SORBS2: variants seen among roughly 807,000 people sequenced by gnomAD.
The protein encoded by SORBS2 is sorbin and SH3 domain-containing protein 2.
Under a neutral mutation model 97.7 loss-of-function variants are expected in SORBS2, and 46 were observed. That is an observed-to-expected ratio of 0.47 (90% CI 0.37 to 0.60). SORBS2 has a LOEUF of 0.60. Among genes scored for constraint, SORBS2 ranks in the 20% least tolerant of loss-of-function variants. The pLI is 0.00. For missense variants in SORBS2, 1,316 were observed against 1,282.3 expected (o/e 1.03, Z -0.40); for synonymous variants, 476 against 473.4 (o/e 1.01, Z -0.07).
At chr4:185,823,644 TA>T (rs200819164) in intron 1 of SORBS2, among the ~76,000 whole-genome samples, 1 of 151,970 alleles carries the variant, frequency 6.6e-6, no homozygotes, top group South Asian at 2.1e-4. Context: ...TGATGAATAT[TA>T]AAAAAAATTC....
chr4:185,660,185 C>T (rs968540205), upstream of SORBS2, among the ~76,000 whole-genome samples: 8 of 152,170 alleles, frequency 5.3e-5, no homozygotes, highest in Admixed American at 5.2e-4. Context: ...CAAAGCCTAT[C>T]TACATTCAAG....
intron 2 of SORBS2, among the ~76,000 whole-genome samples, chr4:185,737,635 G>T (rs1227727131): frequency 6.6e-6 from 1 of 152,156 alleles, no homozygotes; most frequent in East Asian, 1.9e-4. Flanking sequence ...CGTGAGCAGG[G>T]TCTCAGGCCA....
chr4:185,783,708 C>T (rs1243224266), intron 1 of SORBS2, among the ~76,000 whole-genome samples: 8 of 152,118 alleles, frequency 5.3e-5, no homozygotes, highest in Non-Finnish European at 1.2e-4. Context: ...ATATCCTGCC[C>T]GCAGTGATGG....
chr4:185,840,538 C>T (rs1007551838), intron 1 of SORBS2, among the ~76,000 whole-genome samples: 6 of 152,140 alleles, frequency 3.9e-5, no homozygotes, highest in Non-Finnish European at 8.8e-5. Context: ...TTCCAATCTT[C>T]TTCTTCTATC....
At chr4:185,718,998 T>C (rs1441758424) in intron 2 of SORBS2, among the ~76,000 whole-genome samples, 1 of 152,104 alleles carries the variant, frequency 6.6e-6, no homozygotes, top group Non-Finnish European at 1.5e-5. Context: ...TGCAAATGAG[T>C]CACACTCTCT....
intron 2 of SORBS2, among the ~76,000 whole-genome samples, chr4:185,742,354 T>C (rs1481880371): frequency 2.0e-5 from 3 of 152,342 alleles, no homozygotes; most frequent in South Asian, 2.1e-4. Flanking sequence ...CCACCATTGA[T>C]TGGCCACTTA....
chr4:185,725,549 C>A (rs1317265168), intron 2 of SORBS2, among the ~76,000 whole-genome samples: 5 of 152,086 alleles, frequency 3.3e-5, no homozygotes, highest in Admixed American at 3.3e-4. Flanking sequence ...TGGCAAGAAC[C>A]CCAAGTAATT....
chr4:185,601,573 A>G (rs1341057881), intron 12 of SORBS2, among the ~76,000 whole-genome samples: 2 of 152,214 alleles, frequency 1.3e-5, no homozygotes, highest in East Asian at 1.9e-4. Flanking sequence ...CCCTTCATTT[A>G]TGTGTAAGAG....
chr4:185,612,491 ATTTTTTT>A lies in SORBS2; in HGVS notation c.2596-518_2596-512del, dbSNP rs112327583. ...TACACCGTTTTCTTTTTTTATTTCTATTTTTTTTTTTTTTTTGAGAGGGAATCTCACT... is the reference window on the plus strand; with the variant it reads ...TACACCGTTTTCTTTTTTTATTTCTATTTTTTTTTGAGAGGGAATCTCACT... On this transcript the variant is annotated intron_variant, in intron 11 of 14. Coordinates refer to ENST00000418609, the Ensembl canonical transcript of SORBS2. Among the ~76,000 whole-genome samples the A allele has an allele frequency of 3.2e-4, 37 of 114,922 alleles. No homozygotes were observed. In the South Asian group the frequency reaches 8.5e-3, roughly 26 times the overall value. The allele number at this position is 114,922 out of a possible 152,430, so 75.4% of individuals were successfully genotyped here. A position where few individuals can be genotyped will look rare whatever the true frequency, so the allele number is the denominator to read the frequency against.
intron 1 of SORBS2, among the ~76,000 whole-genome samples, chr4:185,937,884 G>C (rs2149988766): frequency 6.6e-6 from 1 of 152,212 alleles, no homozygotes; most frequent in Admixed American, 6.5e-5. Flanking sequence ...CTTCAGAGTT[G>C]GAATATCTTC....
chr4:185,856,550 A>T (rs2099220633), intron 1 of SORBS2, among the ~76,000 whole-genome samples: 1 of 152,108 alleles, frequency 6.6e-6, no homozygotes, highest in South Asian at 2.1e-4. Flanking sequence ...CATCTCCAGT[A>T]ACTTTTTTTA....
At chr4:185,892,789 T>C (rs2099243121) in intron 1 of SORBS2, among the ~76,000 whole-genome samples, 1 of 152,200 alleles carries the variant, frequency 6.6e-6, no homozygotes, top group Non-Finnish European at 1.5e-5. Context: ...AGTTATTGTT[T>C]AATGGGTACA....
At chr4:185,892,632 T>C (rs10022366) in intron 1 of SORBS2, among the ~76,000 whole-genome samples, 5,061 of 152,260 alleles carry the variant, frequency 0.033, 248 homozygotes, top group African/African-American at 0.11. Flanking sequence ...CATGGATGAA[T>C]TTTGTGGACA....
chr4:185,712,360 C>G (rs1331597520), intron 2 of SORBS2, among the ~76,000 whole-genome samples: 1 of 152,196 alleles, frequency 6.6e-6, no homozygotes, highest in Non-Finnish European at 1.5e-5. Context: ...TGCCCATCCC[C>G]TGTTCAGCTC....
chr4:185,643,196 G>A (rs956435354), intron 4 of SORBS2, among the ~76,000 whole-genome samples: 1 of 152,254 alleles, frequency 6.6e-6, no homozygotes, highest in Admixed American at 6.5e-5. Context: ...ATTCCCTGGG[G>A]GAGGTGGGAC....
chr4:185,702,459 T>A (rs1318207667), intron 2 of SORBS2, among the ~76,000 whole-genome samples: 1 of 152,164 alleles, frequency 6.6e-6, no homozygotes, highest in Non-Finnish European at 1.5e-5. Context: ...CACTAATCTA[T>A]TCATGAAGTA....
At chr4:185,718,286 T>C (rs2098483041) in intron 2 of SORBS2, among the ~76,000 whole-genome samples, 1 of 152,048 alleles carries the variant, frequency 6.6e-6, no homozygotes, top group South Asian at 2.1e-4. Flanking sequence ...GCAGAACAAA[T>C]GATTACAGAA....
rs142735848 is a variant in SORBS2, at chr4:185,652,696, C to T, written c.57G>A (p.Thr19=). The change falls in exon 2 of 15, where the codon ACG becomes ACA. Residue 19 remains threonine, a synonymous_variant. Transcript: ENST00000418609. ...GCACCATGTGAATTTGCTTAAACATCGTCTTGTACCAGTCCTTGGGCCGGT... is the reference window on the plus strand; with the variant it reads ...GCACCATGTGAATTTGCTTAAACATTGTCTTGTACCAGTCCTTGGGCCGGT... 1,068 of 1,614,132 alleles carry T rather than the reference C, an allele frequency of 6.6e-4. 15 individuals are homozygous for T. The South Asian group carries it at 0.01, about 16-fold the overall frequency.
At chr4:185,827,501 T>C (rs754532539) in intron 1 of SORBS2, among the ~76,000 whole-genome samples, 2 of 2 alleles carry the variant, frequency 1, 1 homozygote, top group Admixed American at 1. Context: ...ATCATCATCA[T>C]CATCATCATC....
Sources: gnomAD v4.1 joint callset for allele counts (sites outside exome capture counted in the v4.1 genomes callset) on GRCh38, gnomAD v4.1.1 for gene constraint, MANE v1.5 for transcripts, NCBI Gene and HGNC (gene_info 2026-07-23, HGNC 2026-07-21) for gene names.